The following ATF7IP2 variants were observed in gnomAD, a reference collection of about 807,000 sequenced individuals.
The protein encoded by ATF7IP2 is activating transcription factor 7 interacting protein 2, also known as activating transcription factor 7-interacting protein 2.
ATF7IP2 carries 42 observed loss-of-function variants against 64.2 expected under a neutral mutation model. The observed-to-expected ratio is 0.65, with a 90% CI of 0.51 to 0.85. The LOEUF (loss-of-function observed/expected upper bound fraction) is 0.85. Among genes scored for constraint, ATF7IP2 ranks in the 40% least tolerant of loss-of-function variants. The probability of loss-of-function intolerance (pLI) is 0.00; values close to 1 mark genes in which losing one functional copy is unlikely to be tolerated. For missense variants in ATF7IP2, 933 were observed against 784.2 expected, an observed-to-expected ratio of 1.19 and a Z score of -2.27; for synonymous variants, 308 against 272.8, an observed-to-expected ratio of 1.13 and a Z score of -1.27.
At chr16:10,444,117 G>C (rs192744288) in intron 8 of ATF7IP2, among the ~76,000 whole-genome samples, 376 of 152,188 alleles carry the variant, frequency 2.5e-3, no homozygotes, top group African/African-American at 7.4e-3. Context: ...GTCCCCACAG[G>C]GCATAACAAG....
rs150781006 is a variant in ATF7IP2 at position 10,463,105 on chromosome 16, A to G, written c.1352+5576A>G. Among the ~76,000 whole-genome samples the G allele has an allele frequency of 2.3e-3, 344 of 152,242 alleles. 3 individuals are homozygous for G. Among genetic ancestry groups the G allele is most frequent in the African/African-American group, 7.0e-3 (292 of 41,542 alleles). On this transcript the variant is annotated intron_variant, in intron 9 of 13. Coordinates refer to ENST00000562102, the MANE Select transcript of ATF7IP2 (RefSeq NM_001393719.1). The stretch of plus-strand genomic sequence containing the variant: ...CAGATCTATTTCTGATGACTCTCCT[A>G]TCTGGGTCACTTTGAACTCTATTTG...
At chr16:10,461,279 T>A (rs1439781178) in intron 9 of ATF7IP2, among the ~76,000 whole-genome samples, 4 of 152,114 alleles carry the variant, frequency 2.6e-5, no homozygotes, top group Non-Finnish European at 5.9e-5. Flanking sequence ...TAAAGAAAAT[T>A]GGCATTATCT....
intron 9 of ATF7IP2, among the ~76,000 whole-genome samples, chr16:10,467,514 C>T (rs1442263304): frequency 2.7e-5 from 4 of 150,222 alleles, no homozygotes; most frequent in Non-Finnish European, 4.4e-5. Flanking sequence ...TACTAGAAGA[C>T]AAAAATATAT....
In ATF7IP2 at chr16:10,483,388, TG is replaced by T. The variant is rs1039957393; in HGVS notation, c.*1141del. 8 of 152,018 alleles carry T rather than the reference TG, an allele frequency of 5.3e-5. No individual in the cohort carries two copies. Among genetic ancestry groups the T allele is most frequent in the African/African-American group, 1.9e-4 (8 of 41,372 alleles). The allele number at this position is 152,018 out of a possible 1,614,324, so 9.4% of individuals were successfully genotyped here. A position where few individuals can be genotyped will look rare whatever the true frequency, so the allele number is the denominator to read the frequency against. The stretch of plus-strand genomic sequence containing the variant: ...GTGCCCACCTCTTCCTGAGAAGAGA[TG>T]GAAGTGGAGCTGTGACTAGTACAAG... On this transcript the variant is annotated 3_prime_UTR_variant, in exon 14 of 14. Coordinates refer to ENST00000562102, the MANE Select transcript of ATF7IP2 (RefSeq NM_001393719.1).
At chr16:10,446,395 TTGA>T (rs540610226) in intron 8 of ATF7IP2, 49 of 152,308 alleles carry the variant, frequency 3.2e-4, no homozygotes, top group African/African-American at 1.1e-3. Flanking sequence ...TGGTTCTAAC[TTGA>T]TGAGGTGTGA....
intron 1 of ATF7IP2, chr16:10,386,919 C>G (rs1250270734): frequency 6.6e-6 from 1 of 152,082 alleles, no homozygotes; most frequent in Non-Finnish European, 1.5e-5. Context: ...TCTACCTTTC[C>G]GTGTTTCTGT....
rs1034584170 is a variant in ATF7IP2, at chr16:10,426,218, A to C, written c.-159-2650A>C. ...AGTATTACCATCTCAAAGATCTGTG[A>C]GTTGTGGCTTATGTGACAGCAAATA... On this transcript the variant is annotated intron_variant, in intron 3 of 13. Coordinates refer to ENST00000562102, the MANE Select transcript of ATF7IP2 (RefSeq NM_001393719.1). 2.6e-5 allele frequency among the ~76,000 whole-genome samples: 4 copies of C among 152,340 alleles called. No homozygotes were observed. The Middle Eastern group carries it at 0.01, about 389-fold the overall frequency.
chr16:10,440,160 C>A (rs560865612), intron 7 of ATF7IP2, among the ~76,000 whole-genome samples: 1 of 150,796 alleles, frequency 6.6e-6, no homozygotes, highest in African/African-American at 2.4e-5. Flanking sequence ...AACTCCATCT[C>A]AAAAAAAAAT....
At chr16:10,462,783 A>G (rs2049418760) in intron 9 of ATF7IP2, among the ~76,000 whole-genome samples, 1 of 152,034 alleles carries the variant, frequency 6.6e-6, no homozygotes, top group Non-Finnish European at 1.5e-5. Flanking sequence ...TGCTTCAGAT[A>G]TTGCTTCTGG....
chr16:10,443,778 C>A (rs377150645), intron 8 of ATF7IP2, among the ~76,000 whole-genome samples: 1 of 152,024 alleles, frequency 6.6e-6, no homozygotes, highest in African/African-American at 2.4e-5. Flanking sequence ...GGCTCCTAAA[C>A]CATAGAGACA....
chr16:10,481,287 G>C (rs2050215413), intron 13 of ATF7IP2, among the ~76,000 whole-genome samples: 1 of 152,168 alleles, frequency 6.6e-6, no homozygotes, highest in Admixed American at 6.5e-5. Context: ...CTATAGTGCG[G>C]TGGCATGATC....
intron 10 of ATF7IP2, among the ~76,000 whole-genome samples, chr16:10,472,743 C>G (rs1434500226): frequency 1.3e-5 from 2 of 151,588 alleles, no homozygotes; most frequent in East Asian, 3.9e-4. Context: ...GTAATCCCAG[C>G]TACTCTGGAG....
chr16:10,403,100 T>C (rs774911900), intron 1 of ATF7IP2, among the ~76,000 whole-genome samples: 1 of 152,198 alleles, frequency 6.6e-6, no homozygotes, highest in African/African-American at 2.4e-5. Context: ...CTGTGGAGAT[T>C]AGTGATTTTC....
At chr16:10,390,615 C>G (rs900861753) in intron 1 of ATF7IP2, among the ~76,000 whole-genome samples, 20 of 152,102 alleles carry the variant, frequency 1.3e-4, no homozygotes, top group Admixed American at 1.2e-3. Flanking sequence ...AGGACCCTGT[C>G]TCTACAAAAC....
chr16:10,477,690 G>T (rs1187783335), intron 12 of ATF7IP2, among the ~76,000 whole-genome samples: 1 of 151,334 alleles, frequency 6.6e-6, no homozygotes, highest in Non-Finnish European at 1.5e-5. Flanking sequence ...ATTCAATTAG[G>T]AAAAGAGGAA....
At chr16:10,409,549 C>T (rs2120589) in intron 1 of ATF7IP2, among the ~76,000 whole-genome samples, 130 of 151,578 alleles carry the variant, frequency 8.6e-4, no homozygotes, top group African/African-American at 3.0e-3. Flanking sequence ...GCCTCAGCCT[C>T]CTAAGTAGCT....
At chr16:10,473,274 A>G (rs1252373094) in intron 10 of ATF7IP2, among the ~76,000 whole-genome samples, 1 of 152,224 alleles carries the variant, frequency 6.6e-6, no homozygotes, top group Non-Finnish European at 1.5e-5. Flanking sequence ...AAAGTTACAG[A>G]AAGACAAAAT....
At chr16:10,464,760 C>T (rs745895437) in intron 9 of ATF7IP2, among the ~76,000 whole-genome samples, 2 of 152,202 alleles carry the variant, frequency 1.3e-5, no homozygotes, top group African/African-American at 2.4e-5. Flanking sequence ...TTACTAGCCA[C>T]AGTATCTTAA....
intron 8 of ATF7IP2, among the ~76,000 whole-genome samples, chr16:10,443,465 CA>C (rs995273222): frequency 1.3e-4 from 20 of 152,312 alleles, no homozygotes; most frequent in African/African-American, 4.6e-4. Flanking sequence ...AGAAAGCGGA[CA>C]ACCTGGGCCT....
Sources: gnomAD v4.1 joint callset for allele counts (sites outside exome capture counted in the v4.1 genomes callset) on GRCh38, gnomAD v4.1.1 for gene constraint, MANE v1.5 for transcripts, NCBI Gene and HGNC (gene_info 2026-07-23, HGNC 2026-07-21) for gene names.